The following ZNF91 variants were observed in gnomAD, a reference collection of about 807,000 sequenced individuals.
ZNF91 encodes the protein zinc finger protein 91 (HPF7, HTF10).
In ZNF91, 7 loss-of-function variants were observed where a neutral mutation model predicts 12.6. The ratio of observed to expected loss-of-function variants is 0.55; its 90% CI spans 0.31 to 1.04. The LOEUF is 1.04. Among genes scored for constraint, ZNF91 ranks in the 50% least tolerant of loss-of-function variants. ZNF91 has a pLI of 0.05. For missense variants in ZNF91, 1,217 were observed against 1,385.4 expected, an observed-to-expected ratio of 0.88 and a Z score of 1.93; for synonymous variants, 453 against 462.6, an observed-to-expected ratio of 0.98 and a Z score of 0.27.
intron 1 of ZNF91, among the ~76,000 whole-genome samples, chr19:23,375,701 A>C (rs964989468): frequency 1.3e-5 from 2 of 152,112 alleles, no homozygotes; most frequent in Non-Finnish European, 2.9e-5. Context: ...AAAAAAGATC[A>C]ATGCAAAGAA....
downstream of ZNF91, among the ~76,000 whole-genome samples, chr19:23,334,122 G>A (rs1292140990): frequency 3.9e-5 from 6 of 152,080 alleles, no homozygotes; most frequent in African/African-American, 1.4e-4. Context: ...GTGTGGGAAA[G>A]AAGAAATGTA....
At chr19:23,348,880 G>A (rs909835728) in intron 3 of ZNF91, among the ~76,000 whole-genome samples, 1 of 152,004 alleles carries the variant, frequency 6.6e-6, no homozygotes, top group African/African-American at 2.4e-5. Flanking sequence ...AATAACCCTG[G>A]GGAAGGAATG....
intron 1 of ZNF91, among the ~76,000 whole-genome samples, chr19:23,321,790 A>G (rs1458578602): frequency 6.6e-6 from 1 of 152,040 alleles, no homozygotes; most frequent in Non-Finnish European, 1.5e-5. Flanking sequence ...AGATTGTTAC[A>G]TATCTCTGTT....
rs767095839 is a variant in ZNF91, at chr19:23,360,412, C to T, written c.2567G>A (p.Cys856Tyr). ...ATTAAAAGCTTTGCCACATTCCTCA[C>T]ATTTGTAGAGTTTCTCTCCAGCATG... ...IIHAGEKLYK[C>Y]EECGKAFNQS... Residue 856 changes from cysteine to tyrosine, a missense_variant, in exon 4 of 4, where the codon TGT becomes TAT. Transcript: ENST00000300619. 1.2e-6 allele frequency: 2 copies of T among 1,614,114 alleles called. No homozygotes were observed. Among genetic ancestry groups the T allele is most frequent in the Non-Finnish European group, 1.7e-6 (2 of 1,180,002 alleles).
At chr19:23,377,821 A>G (rs1170836826) in intron 1 of ZNF91, among the ~76,000 whole-genome samples, 11 of 152,362 alleles carry the variant, frequency 7.2e-5, no homozygotes, top group African/African-American at 2.6e-4. Flanking sequence ...TGTAATCAAC[A>G]GGATGTTACA....
intron 1 of ZNF91, among the ~76,000 whole-genome samples, chr19:23,318,718 G>A (rs1967622241): frequency 1.3e-5 from 2 of 152,086 alleles, no homozygotes; most frequent in South Asian, 2.1e-4. Context: ...GTTTGCCTGC[G>A]CTATGCCCAC....
intron 1 of ZNF91, among the ~76,000 whole-genome samples, chr19:23,375,841 CAAGT>C (rs1969486039): frequency 6.6e-6 from 1 of 152,072 alleles, no homozygotes; most frequent in Non-Finnish European, 1.5e-5. Flanking sequence ...GCTTATTAAG[CAAGT>C]GAGTTATTAA....
chr19:23,310,016 G>T (rs376411181), intron 1 of ZNF91, among the ~76,000 whole-genome samples: 1 of 152,132 alleles, frequency 6.6e-6, no homozygotes, highest in East Asian at 1.9e-4. Context: ...TTGTGATGGT[G>T]ACTCATTTCT....
chr19:23,355,133 A>G (rs1279905136), downstream of ZNF91, among the ~76,000 whole-genome samples: 3 of 152,160 alleles, frequency 2.0e-5, no homozygotes, highest in Non-Finnish European at 2.9e-5. Flanking sequence ...ATAGAACCAA[A>G]AAAGAGCCTG....
At chr19:23,345,685 T>A (rs1968210430) in intron 3 of ZNF91, among the ~76,000 whole-genome samples, 1 of 151,944 alleles carries the variant, frequency 6.6e-6, no homozygotes, top group Admixed American at 6.6e-5. Flanking sequence ...ACCATCTTCT[T>A]TCACCCCCAA....
chr19:23,358,294 AAT>A lies in ZNF91; in HGVS notation c.*1107_*1108del, dbSNP rs1968549634. On this transcript the variant is annotated 3_prime_UTR_variant, in exon 4 of 4. Transcript: ENST00000300619. ...ATACTAAACTTTAACTAAAATTAAG[AAT>A]GTTTTTCTTTCATAATAATGCAGAA... 2 of 152,152 alleles carry A rather than the reference AAT, an allele frequency of 1.3e-5. No homozygotes were observed. The highest frequency in any genetic ancestry group is 6.5e-5 in the Admixed American group (1 of 15,276). The allele number at this position is 152,152 out of a possible 1,614,324, so 9.4% of individuals were successfully genotyped here.
At chr19:23,382,694 C>A (rs1039135084) in intron 1 of ZNF91, among the ~76,000 whole-genome samples, 1 of 151,994 alleles carries the variant, frequency 6.6e-6, no homozygotes, top group South Asian at 2.1e-4. Context: ...TACCACTGAC[C>A]CCACAAAAAC....
At chr19:23,318,649 G>A (rs1400933771) in intron 1 of ZNF91, among the ~76,000 whole-genome samples, 6 of 144,920 alleles carry the variant, frequency 4.1e-5, no homozygotes, top group Admixed American at 3.4e-4. Context: ...CTTGGTCTTT[G>A]CCATTAGAAG....
intron 1 of ZNF91, among the ~76,000 whole-genome samples, chr19:23,375,691 A>G (rs1304370679): frequency 3.9e-5 from 6 of 152,130 alleles, no homozygotes; most frequent in Non-Finnish European, 7.3e-5. Flanking sequence ...TCATTTACCA[A>G]AAAAAGATCA....
intron 3 of ZNF91, among the ~76,000 whole-genome samples, chr19:23,372,809 T>A (rs560084896): frequency 6.7e-6 from 1 of 149,972 alleles, no homozygotes; most frequent in Non-Finnish European, 1.5e-5. Context: ...GTTCTGCCTA[T>A]GTAGAAACCC....
At chr19:23,369,219 A>G (rs1463338268) in intron 3 of ZNF91, among the ~76,000 whole-genome samples, 2 of 152,064 alleles carry the variant, frequency 1.3e-5, no homozygotes, top group African/African-American at 2.4e-5. Context: ...CTGAGGCAGG[A>G]GAATCGCTTG....
intron 1 of ZNF91, 127 bp downstream of exon 1, chr19:23,395,198 G>A: frequency 8.2e-7 from 1 of 1,224,244 alleles, no homozygotes. Flanking sequence ...GCCGAGCTGG[G>A]CAAGGAGAAC....
At chr19:23,347,258 A>G (rs1968255279) in intron 3 of ZNF91, among the ~76,000 whole-genome samples, 1 of 152,306 alleles carries the variant, frequency 6.6e-6, no homozygotes, top group East Asian at 1.9e-4. Flanking sequence ...TGCGTTCCAC[A>G]TAGTGCATTC....
At chr19:23,369,816 T>TA (rs1463213305) in intron 3 of ZNF91, among the ~76,000 whole-genome samples, 3 of 150,918 alleles carry the variant, frequency 2.0e-5, no homozygotes, top group Non-Finnish European at 3.0e-5. Context: ...GCATGCTCGT[T>TA]AAGAGTCATC....
Sources: gnomAD v4.1 joint callset for allele counts (sites outside exome capture counted in the v4.1 genomes callset) on GRCh38, gnomAD v4.1.1 for gene constraint, MANE v1.5 for transcripts, NCBI Gene and HGNC (gene_info 2026-07-23, HGNC 2026-07-21) for gene names.